The following WAC variants were observed in gnomAD, a reference collection of about 807,000 sequenced individuals.
WAC encodes WW domain-containing adapter protein with coiled-coil.
In WAC, 11 loss-of-function variants were observed where a neutral mutation model predicts 79.6. That is an observed-to-expected ratio of 0.14 (90% CI 0.09 to 0.23). The LOEUF (loss-of-function observed/expected upper bound fraction) is 0.23, where lower values mean the gene tolerates loss of function less well. Ranked by LOEUF, WAC falls within the 10% of genes least tolerant of loss-of-function variation. The pLI, the probability that WAC is intolerant of heterozygous loss-of-function variation, is 1.00. For missense variants in WAC, 728 were observed against 773.5 expected (o/e 0.94, Z 0.70); for synonymous variants, 304 against 276.9 (o/e 1.10, Z -0.97).
chr10:28,535,769 T>C lies in WAC; in HGVS notation c.274+12T>C. 7.5e-6 allele frequency: 12 copies of C among 1,590,120 alleles called. No homozygotes were observed. The highest frequency in any genetic ancestry group is 9.4e-6 in the Non-Finnish European group (11 of 1,166,392). ...AGAGAGGGATGGTGGTGAGTATCTT[T>C]CTTGTTGAAACTTTGACATACAGTT... is the stretch of plus-strand genomic sequence containing the variant. On this transcript the variant is annotated intron_variant, in intron 3 of 13. Coordinates refer to ENST00000354911, the MANE Select transcript of WAC (RefSeq NM_016628.5).
At position 28,533,215 on chromosome 10, in the gene WAC, A is replaced by G. The variant is rs1056997887; in HGVS notation, c.-365A>G. 4.1e-5 allele frequency: 7 copies of G among 169,086 alleles called. No individual in the cohort carries two copies. The highest frequency in any genetic ancestry group is 1.3e-4 in the South Asian group (1 of 7,824). The allele number at this position is 169,086 out of a possible 1,614,324, so 10.5% of individuals were successfully genotyped here. ...AGGAGAAGAAGGACCAGGCGGCGGC[A>G]GCAGCGGCGGCGGCGGGGGGAGGAG... On this transcript the variant is annotated 5_prime_UTR_variant, in exon 1 of 14. Coordinates refer to ENST00000354911, the MANE Select transcript of WAC (RefSeq NM_016628.5).
chr10:28,613,610 C>T (rs1332155759), intron 10 of WAC, among the ~76,000 whole-genome samples: 2 of 152,128 alleles, frequency 1.3e-5, no homozygotes, highest in East Asian at 1.9e-4. Flanking sequence ...TTATGTAGTG[C>T]TTATAAAATG....
intron 3 of WAC, among the ~76,000 whole-genome samples, chr10:28,558,197 A>G (rs755911666): frequency 5.9e-5 from 9 of 152,234 alleles, no homozygotes; most frequent in Non-Finnish European, 1.3e-4. Context: ...TTTAGAGAGA[A>G]AACTTTGTGA....
In WAC at chr10:28,621,469, C is replaced by T. The variant is rs1425317809; in HGVS notation, c.*1863C>T. 1.3e-5 allele frequency: 2 copies of T among 151,996 alleles called. No homozygotes were observed. Among genetic ancestry groups the T allele is most frequent in the East Asian group, 3.9e-4 (2 of 5,188 alleles). 9.4% of individuals were successfully genotyped at this position (151,996 alleles called of 1,614,324 possible). ...TGTTTTCTAAAATACAAAAATGTTCCAGTGTAATTAAAAGGAATTAAAATC... is the reference window on the plus strand; with the variant it reads ...TGTTTTCTAAAATACAAAAATGTTCTAGTGTAATTAAAAGGAATTAAAATC... On this transcript the variant is annotated 3_prime_UTR_variant, in exon 14 of 14. Transcript: ENST00000354911.
At chr10:28,543,927 C>T (rs1165117218) in intron 3 of WAC, among the ~76,000 whole-genome samples, 3 of 152,176 alleles carry the variant, frequency 2.0e-5, no homozygotes, top group Non-Finnish European at 2.9e-5. Context: ...CTTACTCTGT[C>T]ATCCCAGGCT....
At chr10:28,534,422 G>C (rs1836497856) in intron 2 of WAC, 1 of 195,158 alleles carries the variant, frequency 5.1e-6, no homozygotes, top group Admixed American at 6.1e-5. Flanking sequence ...TTAAAATTAA[G>C]TGAAGAACTT....
intron 3 of WAC, among the ~76,000 whole-genome samples, chr10:28,569,813 T>C (rs145343422): frequency 1.3e-5 from 2 of 152,374 alleles, no homozygotes. Context: ...TACAGTACTT[T>C]ATAGTAAGTA....
intron 3 of WAC, among the ~76,000 whole-genome samples, chr10:28,542,121 C>T (rs577388072): frequency 6.6e-6 from 1 of 152,304 alleles, no homozygotes; most frequent in African/African-American, 2.4e-5. Context: ...TTGTTCCTGT[C>T]TCAGGGGCTC....
intron 10 of WAC, among the ~76,000 whole-genome samples, 180 bp from the exon 11 acceptor site, chr10:28,614,387 C>T (rs1841386092): frequency 6.6e-6 from 1 of 152,234 alleles, no homozygotes; most frequent in Non-Finnish European, 1.5e-5. Flanking sequence ...GCCACCGCGC[C>T]CAGCCCTAGT....
chr10:28,565,123 A>G (rs1376063777), intron 3 of WAC, among the ~76,000 whole-genome samples: 1 of 152,208 alleles, frequency 6.6e-6, no homozygotes, highest in Non-Finnish European at 1.5e-5. Context: ...TCACTCAGCA[A>G]AATTGCCTTG....
chr10:28,561,196 G>A (rs1398871504), intron 3 of WAC, among the ~76,000 whole-genome samples: 4 of 152,116 alleles, frequency 2.6e-5, no homozygotes, highest in African/African-American at 7.2e-5. Context: ...TTTAGCTTAT[G>A]TTCTATCTTT....
chr10:28,566,208 A>G (rs1338210948), intron 3 of WAC, among the ~76,000 whole-genome samples: 1 of 152,204 alleles, frequency 6.6e-6, no homozygotes, highest in Non-Finnish European at 1.5e-5. Flanking sequence ...CAGCTTTGGC[A>G]TATAATAAAT....
At chr10:28,544,191 AT>A (rs754834666) in intron 3 of WAC, among the ~76,000 whole-genome samples, 20 of 152,070 alleles carry the variant, frequency 1.3e-4, no homozygotes, top group Non-Finnish European at 2.1e-4. Flanking sequence ...TTCTTTCCAG[AT>A]TTTTTGTAAA....
rs1474693778 is a variant in WAC at position 28,535,729 on chromosome 10, T to C, written c.246T>C (p.His82=). ...GTCACAGTAAGGCCAAAAATGTGCA[T>C]ACTCACAGAGTTAGAGAGAGGGATG... ...STGHSKAKNV[H]THRVRERDGG... The change falls in exon 3 of 14, where the codon CAT becomes CAC. Residue 82 remains histidine, a synonymous_variant. Transcript: ENST00000354911. 6.2e-7 allele frequency: 1 copy of C among 1,613,744 alleles called. No individual in the cohort carries two copies. Among genetic ancestry groups the C allele is most frequent in the African/African-American group, 1.3e-5 (1 of 74,906 alleles).
At chr10:28,597,964 C>G (rs763698130) in intron 7 of WAC, among the ~76,000 whole-genome samples, 1 of 152,160 alleles carries the variant, frequency 6.6e-6, no homozygotes, top group Non-Finnish European at 1.5e-5. Flanking sequence ...TTGTAAAAAT[C>G]ACTGTATTGC....
At chr10:28,578,138 A>G (rs904420492) in intron 3 of WAC, among the ~76,000 whole-genome samples, 1 of 152,184 alleles carries the variant, frequency 6.6e-6, no homozygotes, top group Non-Finnish European at 1.5e-5. Context: ...CAGCTTGGGT[A>G]ACTGAGAGAT....
At chr10:28,555,004 G>C (rs12763015) in intron 3 of WAC, among the ~76,000 whole-genome samples, 39,266 of 151,918 alleles carry the variant, frequency 0.26, 5,338 homozygotes, top group Non-Finnish European at 0.28. Flanking sequence ...TATGATGATA[G>C]TATTTTAGTG....
At chr10:28,596,837 G>C (rs187797407) in intron 7 of WAC, among the ~76,000 whole-genome samples, 2 of 152,236 alleles carry the variant, frequency 1.3e-5, no homozygotes, top group Admixed American at 1.3e-4. Flanking sequence ...GGAGAGGCTT[G>C]ATACATTAAT....
intron 3 of WAC, among the ~76,000 whole-genome samples, chr10:28,536,282 TA>T (rs1836667956): frequency 6.7e-6 from 1 of 150,334 alleles, no homozygotes; most frequent in Non-Finnish European, 1.5e-5. Flanking sequence ...TGTTTAATAA[TA>T]AGGGAATGCA....
Sources: gnomAD v4.1 joint callset for allele counts (sites outside exome capture counted in the v4.1 genomes callset) on GRCh38, gnomAD v4.1.1 for gene constraint, MANE v1.5 for transcripts, NCBI Gene and HGNC (gene_info 2026-07-23, HGNC 2026-07-21) for gene names.